The following LCOR variants were observed in gnomAD, a reference collection of about 807,000 sequenced individuals.
The protein encoded by LCOR is ligand dependent nuclear receptor corepressor, also known as ligand-dependent corepressor.
A neutral mutation model predicts 64.4 loss-of-function variants in LCOR; 14 were observed. The observed-to-expected ratio is 0.22, with a 90% CI of 0.14 to 0.34. The LOEUF is 0.34. Ranked by LOEUF, LCOR falls within the 10% of genes least tolerant of loss-of-function variation. The pLI, the probability that LCOR is intolerant of heterozygous loss-of-function variation, is 1.00. For missense variants in LCOR, 1,686 were observed against 1,765.3 expected (o/e 0.96, Z 0.80); for synonymous variants, 643 against 642.5 (o/e 1.00, Z -0.01).
chr10:96,876,322 C>T (rs998349914), intron 2 of LCOR, among the ~76,000 whole-genome samples: 1 of 152,170 alleles, frequency 6.6e-6, no homozygotes, highest in African/African-American at 2.4e-5. Flanking sequence ...CCCTGATGAC[C>T]TTACTTAATC....
Position 96,863,104 on chromosome 10 carries a change from T to A in LCOR, c.-330+29625T>A, listed in dbSNP as rs191898248. On this transcript the variant is annotated intron_variant, in intron 2 of 7. Coordinates refer to ENST00000421806, the MANE Select transcript of LCOR (RefSeq NM_001346516.2). The stretch of plus-strand genomic sequence containing the variant: ...CACCATGTTGGCCAGGCTGGTCTCA[T>A]ACTCCTGACCTCAAGTGATCTGCCC... Among the ~76,000 whole-genome samples the A allele has an allele frequency of 8.0e-3, 1,208 of 150,100 alleles. 11 individuals are homozygous for A. The highest frequency in any genetic ancestry group is 0.039 in the South Asian group (185 of 4,736).
intron 2 of LCOR, among the ~76,000 whole-genome samples, chr10:96,837,196 T>C (rs559452944): frequency 3.0e-4 from 46 of 152,288 alleles, no homozygotes; most frequent in Non-Finnish European, 5.3e-4. Flanking sequence ...TTCACCGTGT[T>C]AGCCAGGATG....
intron 4 of LCOR, among the ~76,000 whole-genome samples, chr10:96,934,065 TG>T (rs1361361474): frequency 6.6e-6 from 1 of 152,220 alleles, no homozygotes; most frequent in Non-Finnish European, 1.5e-5. Flanking sequence ...TTCACAGCTT[TG>T]GCGAGACTTA....
intron 2 of LCOR, among the ~76,000 whole-genome samples, chr10:96,894,255 C>T (rs1254189668): frequency 6.6e-6 from 1 of 152,136 alleles, no homozygotes; most frequent in Non-Finnish European, 1.5e-5. Flanking sequence ...CCACGCCCAG[C>T]TAAAATTTGC....
chr10:96,882,116 TAACATGTTAAAC>T (rs1846272340), intron 2 of LCOR, among the ~76,000 whole-genome samples: 1 of 152,136 alleles, frequency 6.6e-6, no homozygotes, highest in South Asian at 2.1e-4. Flanking sequence ...AATAACCTCT[TAACATGTTAAAC>T]AACATATTAA....
At chr10:96,883,633 C>G (rs1480683682) in intron 2 of LCOR, among the ~76,000 whole-genome samples, 2 of 152,182 alleles carry the variant, frequency 1.3e-5, no homozygotes, top group African/African-American at 2.4e-5. Flanking sequence ...TACTTGCCTT[C>G]TGTATGTCTT....
At chr10:96,970,131 G>A (rs181535612) in intron 7 of LCOR, among the ~76,000 whole-genome samples, 1 of 151,012 alleles carries the variant, frequency 6.6e-6, no homozygotes, top group East Asian at 2.0e-4. Context: ...GGTGCGGTGG[G>A]TCACGCCTGT....
intron 7 of LCOR, chr10:96,962,403 A>G (rs1004886841): frequency 8.5e-5 from 13 of 152,222 alleles, no homozygotes; most frequent in African/African-American, 2.9e-4. Flanking sequence ...TACTTTGTAA[A>G]TTTTTAATAT....
chr10:96,882,605 A>G (rs1846281215), intron 2 of LCOR, among the ~76,000 whole-genome samples: 1 of 152,214 alleles, frequency 6.6e-6, no homozygotes, highest in Non-Finnish European at 1.5e-5. Flanking sequence ...TTATCATCCA[A>G]AGTCCATAAT....
intron 4 of LCOR, among the ~76,000 whole-genome samples, chr10:96,916,912 G>C (rs774988911): frequency 2.0e-5 from 3 of 152,200 alleles, no homozygotes; most frequent in Non-Finnish European, 4.4e-5. Context: ...ACTGTGCCCA[G>C]CCTCTATGTG....
intron 4 of LCOR, among the ~76,000 whole-genome samples, chr10:96,923,443 A>G (rs1201783398): frequency 6.6e-6 from 1 of 152,214 alleles, no homozygotes; most frequent in Non-Finnish European, 1.5e-5. Context: ...TCTGCAGTCT[A>G]GGCCATCCTA....
At chr10:96,943,390 C>G (rs1020755969) in intron 4 of LCOR, among the ~76,000 whole-genome samples, 54 of 152,232 alleles carry the variant, frequency 3.5e-4, no homozygotes, top group African/African-American at 1.2e-3. Context: ...AGCCACCTCG[C>G]CTGGTCAGAT....
chr10:96,953,923 G>A (rs905626591), intron 7 of LCOR, among the ~76,000 whole-genome samples: 1 of 152,196 alleles, frequency 6.6e-6, no homozygotes, highest in Non-Finnish European at 1.5e-5. Context: ...CCTTGGGCAT[G>A]TTTTGCCACA....
At chr10:96,878,065 A>T (rs371846572) in intron 2 of LCOR, among the ~76,000 whole-genome samples, 6 of 152,308 alleles carry the variant, frequency 3.9e-5, no homozygotes, top group African/African-American at 1.4e-4. Flanking sequence ...ATGTACAGTA[A>T]TTGTTCCAGG....
Position 96,991,727 on chromosome 10 carries a change from A to C in LCOR, c.*6593A>C, listed in dbSNP as rs1464790917. 1.3e-5 allele frequency: 2 copies of C among 152,174 alleles called. No individual in the cohort carries two copies. Among genetic ancestry groups the C allele is most frequent in the Non-Finnish European group, 2.9e-5 (2 of 68,030 alleles). 9.4% of individuals were successfully genotyped at this position (152,174 alleles called of 1,614,324 possible). A position where few individuals can be genotyped will look rare whatever the true frequency, so the allele number is the denominator to read the frequency against. ...ATCTTGTCAGGACACCGGCAGCTTT[A>C]GACAGAACAAGTTCAGGGCTCTCCA... On this transcript the variant is annotated 3_prime_UTR_variant, in exon 8 of 8. Transcript: ENST00000421806.
At chr10:96,974,181 A>G (rs1365661935) in intron 7 of LCOR, among the ~76,000 whole-genome samples, 1 of 152,242 alleles carries the variant, frequency 6.6e-6, no homozygotes, top group East Asian at 1.9e-4. Flanking sequence ...CACACCCTTA[A>G]CAATTGGGCA....
chr10:96,929,324 G>A (rs1372795217), intron 4 of LCOR, among the ~76,000 whole-genome samples: 3 of 152,226 alleles, frequency 2.0e-5, no homozygotes, highest in Non-Finnish European at 4.4e-5. Context: ...GTGATCTTCT[G>A]TATAACTTGG....
chr10:96,992,003 A>C lies in LCOR; in HGVS notation c.*6869A>C, dbSNP rs1184169958. 1.3e-5 allele frequency: 2 copies of C among 152,110 alleles called. No homozygotes were observed. The highest frequency in any genetic ancestry group is 1.9e-4 in the East Asian group (1 of 5,194). The allele number at this position is 152,110 out of a possible 1,614,324, so 9.4% of individuals were successfully genotyped here. A position where few individuals can be genotyped will look rare whatever the true frequency, so the allele number is the denominator to read the frequency against. ...ATTTATCCACTTTTTTTTAAACCCC[A>C]GTTTTCTGTGATCTGCACCTCATAG... is the stretch of plus-strand genomic sequence containing the variant. On this transcript the variant is annotated 3_prime_UTR_variant, in exon 8 of 8. Coordinates refer to ENST00000421806, the MANE Select transcript of LCOR (RefSeq NM_001346516.2).
In LCOR at chr10:96,982,292, C is replaced by T. The variant is rs199578400; in HGVS notation, c.1832C>T (p.Thr611Met). The T allele has an allele frequency of 8.7e-6, 14 of 1,614,220 alleles. No individual in the cohort carries two copies. In the East Asian group the frequency reaches 1.6e-4, roughly 18 times the overall value. Reference sequence around the variant, plus strand: ...AGCAGCTCCCCTAGGTCAGAGGAAACGACAGCCTCCAGCCTGGTGTGGCCT... The same window carrying T: ...AGCAGCTCCCCTAGGTCAGAGGAAATGACAGCCTCCAGCCTGGTGTGGCCT... ...NLSSSPRSEE[T>M]TASSLVWPLP... The change falls in exon 8 of 8, where the codon ACG becomes ATG. Residue 611 changes from threonine (T) to methionine (M), a missense_variant. Thr to Met is a moderately conservative substitution (Grantham distance 81, BLOSUM62 -1). Around this residue, in one of 3 missense-constraint regions of LCOR, gnomAD observed 1,293 missense variants for 1,410.4 expected, o/e 0.92. Coordinates refer to ENST00000421806, the MANE Select transcript of LCOR (RefSeq NM_001346516.2).
Sources: gnomAD v4.1 joint callset for allele counts (sites outside exome capture counted in the v4.1 genomes callset) on GRCh38, gnomAD v4.1.1 for gene constraint, gnomAD v4.1.1 regional missense constraint, MANE v1.5 for transcripts, NCBI Gene and HGNC (gene_info 2026-07-23, HGNC 2026-07-21) for gene names.